The following TMEM177 variants were observed in gnomAD, a reference collection of about 807,000 sequenced individuals.
The protein encoded by TMEM177 is transmembrane protein 177.
A neutral mutation model predicts 14.2 loss-of-function variants in TMEM177; 4 were observed. The observed-to-expected ratio is 0.28, with a 90% confidence interval of 0.14 to 0.64. TMEM177 has a LOEUF of 0.64. TMEM177 is among the 30% of genes least tolerant of loss of function. TMEM177 has a pLI of 0.82. For missense variants in TMEM177, 344 were observed against 405.2 expected, an observed-to-expected ratio of 0.85 and a Z score of 1.30; for synonymous variants, 179 against 174.5, an observed-to-expected ratio of 1.03 and a Z score of -0.20.
chr2:119,708,400 C>T, the TMEM177 span, among the ~76,000 whole-genome samples: 1 of 152,134 alleles, frequency 6.6e-6, no homozygotes, highest in Non-Finnish European at 1.5e-5. Context: ...ACATAACAGG[C>T]ATATTTAGTT....
At chr2:119,687,044 G>C (rs1481107967), downstream of TMEM177, among the ~76,000 whole-genome samples, 1 of 152,058 alleles carries the variant, frequency 6.6e-6, no homozygotes, top group Non-Finnish European at 1.5e-5. Flanking sequence ...GCTCCTCTTG[G>C]TTCTAAACAA....
At chr2:119,692,876 G>A in the TMEM177 span, among the ~76,000 whole-genome samples, 1 of 151,616 alleles carries the variant, frequency 6.6e-6, no homozygotes, top group East Asian at 1.9e-4. Context: ...GAAGGCTGAG[G>A]TGGGAGAATC....
chr2:119,690,055 A>G (rs1336096362), downstream of TMEM177, among the ~76,000 whole-genome samples: 3 of 152,132 alleles, frequency 2.0e-5, no homozygotes, highest in Non-Finnish European at 4.4e-5. Context: ...TCTTGTTATT[A>G]CCCATGACAT....
the TMEM177 span, among the ~76,000 whole-genome samples, chr2:119,706,661 G>A: frequency 7.6e-4 from 115 of 152,012 alleles, no homozygotes; most frequent in Non-Finnish European, 1.3e-3. Flanking sequence ...CAAAACCCAA[G>A]AAACAGTGGG....
At chr2:119,700,979 C>A in the TMEM177 span, among the ~76,000 whole-genome samples, 1 of 152,218 alleles carries the variant, frequency 6.6e-6, no homozygotes, top group Non-Finnish European at 1.5e-5. Context: ...GGCTCACAGC[C>A]TTCTCTTCTC....
At chr2:119,720,393 G>C in the TMEM177 span, among the ~76,000 whole-genome samples, 1 of 151,858 alleles carries the variant, frequency 6.6e-6, no homozygotes, top group Non-Finnish European at 1.5e-5. Flanking sequence ...TCCTGCCTCA[G>C]CCTCCCTAGT....
chr2:119,710,702 C>T, the TMEM177 span, among the ~76,000 whole-genome samples: 2 of 152,062 alleles, frequency 1.3e-5, no homozygotes, highest in East Asian at 1.9e-4. Flanking sequence ...CTCCACCTCC[C>T]GGGTTCACGC....
At chr2:119,699,077 C>T in the TMEM177 span, 8 of 195,838 alleles carry the variant, frequency 4.1e-5, no homozygotes, top group Admixed American at 4.9e-5. Flanking sequence ...AGTGTCTGAA[C>T]GATGTCACTT....
downstream of TMEM177, among the ~76,000 whole-genome samples, chr2:119,682,872 T>G (rs1217287125): frequency 6.6e-6 from 1 of 152,016 alleles, no homozygotes; most frequent in Non-Finnish European, 1.5e-5. Context: ...TTAGGCCTGG[T>G]CCCACTCAGG....
At chr2:119,694,552 G>A in the TMEM177 span, among the ~76,000 whole-genome samples, 17 of 152,250 alleles carry the variant, frequency 1.1e-4, no homozygotes, top group Admixed American at 1.1e-3. Flanking sequence ...GACCCTGTGT[G>A]TGCAACAGTG....
At chr2:119,689,244 T>C (rs959408128), downstream of TMEM177, among the ~76,000 whole-genome samples, 11 of 152,310 alleles carry the variant, frequency 7.2e-5, no homozygotes, top group South Asian at 2.3e-3. Flanking sequence ...TCAGGTGCAG[T>C]GTGAGGTCCT....
chr2:119,681,806 A>G lies in TMEM177; in HGVS notation c.*17A>G. The stretch of plus-strand genomic sequence containing the variant: ...CGCTCCTGATGGGCTCATCACAAGG[A>G]CACTTCCAGCTTGTGCAGACACCAC... On this transcript the variant is annotated 3_prime_UTR_variant, in exon 2 of 2. Coordinates refer to ENST00000272521, the MANE Select transcript of TMEM177 (RefSeq NM_030577.3). 6.2e-7 allele frequency: 1 copy of G among 1,602,676 alleles called. No individual in the cohort carries two copies. Among genetic ancestry groups the G allele is most frequent in the Non-Finnish European group, 8.5e-7 (1 of 1,172,888 alleles).
At chr2:119,684,910 G>A (rs1342296363), downstream of TMEM177, among the ~76,000 whole-genome samples, 2 of 152,340 alleles carry the variant, frequency 1.3e-5, no homozygotes, top group East Asian at 3.9e-4. Context: ...TCAGAAAGGT[G>A]AAGAAACATG....
chr2:119,715,812 C>T, the TMEM177 span, among the ~76,000 whole-genome samples: 2 of 152,194 alleles, frequency 1.3e-5, no homozygotes, highest in Non-Finnish European at 2.9e-5. Context: ...GCAGGGTGAC[C>T]GCTGGCTGGC....
At chr2:119,701,736 T>C in the TMEM177 span, among the ~76,000 whole-genome samples, 2 of 152,230 alleles carry the variant, frequency 1.3e-5, no homozygotes, top group Non-Finnish European at 2.9e-5. Context: ...GGAGTTTTAT[T>C]ATTACTGAAG....
At chr2:119,699,880 C>A in the TMEM177 span, 1 of 435,730 alleles carries the variant, frequency 2.3e-6, no homozygotes, top group Non-Finnish European at 4.6e-6. Flanking sequence ...GTTTTTGTTG[C>A]ACTAGCTTAA....
At chr2:119,686,442 C>G (rs1279880369), downstream of TMEM177, 1 of 152,150 alleles carries the variant, frequency 6.6e-6, no homozygotes, top group African/African-American at 2.4e-5. Flanking sequence ...TTCCCAGTGG[C>G]TATCAGTTGG....
the TMEM177 span, among the ~76,000 whole-genome samples, chr2:119,711,107 G>C: frequency 6.6e-6 from 1 of 152,196 alleles, no homozygotes; most frequent in Non-Finnish European, 1.5e-5. Context: ...CCACCCTCAC[G>C]ATAGGTGCCT....
chr2:119,684,063 G>A (rs1574270439), downstream of TMEM177, among the ~76,000 whole-genome samples: 2 of 152,248 alleles, frequency 1.3e-5, no homozygotes, highest in African/African-American at 2.4e-5. Context: ...GTTTGACTGG[G>A]TGACTCTCCT....
Sources: allele counts gnomAD v4.1 joint callset (sites outside exome capture counted in the v4.1 genomes callset), GRCh38; gene constraint gnomAD v4.1.1; transcripts MANE v1.5; gene names NCBI Gene and HGNC (gene_info 2026-07-23, HGNC 2026-07-21).